DOK6: variants seen among roughly 807,000 people sequenced by gnomAD.
DOK6 encodes docking protein 6, also known as downstream of tyrosine kinase 6.
Under a neutral mutation model 44.0 loss-of-function variants are expected in DOK6, and 22 were observed. That is an observed-to-expected ratio of 0.50 (90% CI 0.36 to 0.71). The LOEUF (loss-of-function observed/expected upper bound fraction) is 0.71. DOK6 is among the 30% of genes least tolerant of loss of function. The pLI is 0.00. For synonymous variants in DOK6, 166 were observed against 145.5 expected (o/e 1.14, Z -1.01); for missense variants, 340 against 416.4 (o/e 0.82, Z 1.60).
intron 1 of DOK6, among the ~76,000 whole-genome samples, chr18:69,445,736 C>A (rs916568606): frequency 1.3e-5 from 2 of 152,034 alleles, no homozygotes; most frequent in Admixed American, 6.6e-5. Flanking sequence ...AATCTATTTT[C>A]TTGGCCAGGC....
chr18:69,445,437 C>T (rs78032247), intron 1 of DOK6, among the ~76,000 whole-genome samples: 5,033 of 152,174 alleles, frequency 0.033, 137 homozygotes, highest in Admixed American at 0.09. Flanking sequence ...TTCATAAACG[C>T]CTTTTATCAG....
chr18:69,627,772 G>T (rs1051234788), intron 3 of DOK6, among the ~76,000 whole-genome samples: 1 of 152,076 alleles, frequency 6.6e-6, no homozygotes, highest in African/African-American at 2.4e-5. Context: ...CTTTTCTATG[G>T]TCTTCAAAGC....
chr18:69,430,824 G>A (rs1046417067), intron 1 of DOK6, among the ~76,000 whole-genome samples: 4 of 152,124 alleles, frequency 2.6e-5, no homozygotes, highest in Non-Finnish European at 5.9e-5. Context: ...AAATTAGCCA[G>A]GCGTGGTGGC....
intron 1 of DOK6, among the ~76,000 whole-genome samples, chr18:69,466,414 T>C (rs926911543): frequency 1.3e-5 from 2 of 152,208 alleles, no homozygotes; most frequent in African/African-American, 4.8e-5. Flanking sequence ...CGTTCTTTCA[T>C]CAATGAACAC....
chr18:69,494,769 T>C (rs1413799200), intron 1 of DOK6, among the ~76,000 whole-genome samples: 1 of 152,230 alleles, frequency 6.6e-6, no homozygotes, highest in East Asian at 1.9e-4. Flanking sequence ...ATTACCCTTA[T>C]CTTCTTACAT....
intron 5 of DOK6, among the ~76,000 whole-genome samples, chr18:69,738,761 A>C (rs1409829948): frequency 2.6e-5 from 4 of 152,052 alleles, no homozygotes; most frequent in African/African-American, 9.7e-5. Flanking sequence ...CCAAATATAC[A>C]TGGATTTTTA....
intron 4 of DOK6, among the ~76,000 whole-genome samples, chr18:69,695,260 G>A (rs928283171): frequency 1.3e-5 from 2 of 152,154 alleles, no homozygotes; most frequent in Non-Finnish European, 2.9e-5. Flanking sequence ...CAGCCCTATT[G>A]TACCAGAAAT....
At chr18:69,426,867 G>A (rs1350983838) in intron 1 of DOK6, among the ~76,000 whole-genome samples, 3 of 151,798 alleles carry the variant, frequency 2.0e-5, no homozygotes, top group African/African-American at 2.4e-5. Flanking sequence ...TTTAAGTTCA[G>A]GAGTACAAGT....
intron 3 of DOK6, among the ~76,000 whole-genome samples, chr18:69,671,899 C>T (rs144121442): frequency 1.3e-5 from 2 of 152,262 alleles, no homozygotes; most frequent in African/African-American, 4.8e-5. Context: ...AGTAAGTTTC[C>T]TGCACTCCAA....
intron 7 of DOK6, among the ~76,000 whole-genome samples, chr18:69,762,566 TA>T (rs1979594376): frequency 6.6e-6 from 1 of 152,244 alleles, no homozygotes; most frequent in African/African-American, 2.4e-5. Context: ...AATTTTCAAA[TA>T]TTTTTTAGGT....
At chr18:69,708,578 A>T (rs1986687632) in intron 5 of DOK6, among the ~76,000 whole-genome samples, 1 of 152,126 alleles carries the variant, frequency 6.6e-6, no homozygotes, top group South Asian at 2.1e-4. Flanking sequence ...TGATGTCAGG[A>T]GTTCGAGACC....
chr18:69,425,691 A>G (rs1459691897), intron 1 of DOK6, among the ~76,000 whole-genome samples: 4 of 152,086 alleles, frequency 2.6e-5, no homozygotes, highest in African/African-American at 9.7e-5. Flanking sequence ...ATTTTAAATC[A>G]GAGTATTCTG....
At chr18:69,538,053 A>C (rs1476079293) in intron 1 of DOK6, among the ~76,000 whole-genome samples, 1 of 152,180 alleles carries the variant, frequency 6.6e-6, no homozygotes, top group Non-Finnish European at 1.5e-5. Flanking sequence ...GACATGCAAA[A>C]AATATTGTAA....
intron 1 of DOK6, among the ~76,000 whole-genome samples, chr18:69,545,349 T>C (rs942672673): frequency 6.6e-6 from 1 of 150,402 alleles, no homozygotes; most frequent in African/African-American, 2.4e-5. Flanking sequence ...GTTTTCATTC[T>C]TATTGTAATG....
intron 1 of DOK6, among the ~76,000 whole-genome samples, chr18:69,460,339 G>T (rs1016054165): frequency 6.6e-6 from 1 of 152,110 alleles, no homozygotes; most frequent in African/African-American, 2.4e-5. Context: ...GATAGGTCAG[G>T]TGTAATTATT....
chr18:69,422,767 A>G (rs1450501548), intron 1 of DOK6, among the ~76,000 whole-genome samples: 2 of 152,154 alleles, frequency 1.3e-5, no homozygotes, highest in East Asian at 1.9e-4. Context: ...TAATTTTTCA[A>G]AATTTTGGTT....
intron 1 of DOK6, among the ~76,000 whole-genome samples, chr18:69,504,331 CAAG>C (rs1362760754): frequency 6.6e-6 from 1 of 151,150 alleles, no homozygotes; most frequent in Non-Finnish European, 1.5e-5. Flanking sequence ...AAACTATGAG[CAAG>C]AAGATAACAC....
At chr18:69,473,861 C>T (rs774723913) in intron 1 of DOK6, among the ~76,000 whole-genome samples, 15 of 152,188 alleles carry the variant, frequency 9.9e-5, no homozygotes, top group Admixed American at 2.0e-4. Context: ...TATGTTCCTT[C>T]TGTGCTGTCC....
Position 69,579,571 on chromosome 18 carries a change from CT to C in DOK6, c.174+14988del, listed in dbSNP as rs11463109. Among the ~76,000 whole-genome samples the C allele has an allele frequency of 6.0e-4, 88 of 147,654 alleles. 1 individual carries two copies. The highest frequency in any genetic ancestry group is 1.9e-3 in the African/African-American group (77 of 40,238). ...GGTGGGCCAAAAGAAGCCAACTTTT[CT>C]TTTTTTTTTTGAGACGGAGTCTTGC... On this transcript the variant is annotated intron_variant, in intron 2 of 7. Coordinates refer to ENST00000382713, the MANE Select transcript of DOK6 (RefSeq NM_152721.6).
Sources: gnomAD v4.1 joint callset for allele counts (sites outside exome capture counted in the v4.1 genomes callset) on GRCh38, gnomAD v4.1.1 for gene constraint, MANE v1.5 for transcripts, NCBI Gene and HGNC (gene_info 2026-07-23, HGNC 2026-07-21) for gene names.